The following ITSN2 variants were observed in gnomAD, a reference collection of about 807,000 sequenced individuals.
ITSN2 encodes intersectin 2.
A neutral mutation model predicts 243.7 loss-of-function variants in ITSN2; 156 were observed. That is an observed-to-expected ratio of 0.64 (90% confidence interval 0.56 to 0.73). The LOEUF is 0.73. Ranked by LOEUF, ITSN2 falls within the 30% of genes least tolerant of loss-of-function variation. ITSN2 has a pLI of 0.00. For missense variants in ITSN2, 1,801 were observed against 1,996.1 expected (o/e 0.90, Z 1.86); for synonymous variants, 703 against 699.9 (o/e 1.00, Z -0.07).
intron 20 of ITSN2, among the ~76,000 whole-genome samples, chr2:24,267,698 G>A (rs1676837848): frequency 6.6e-6 from 1 of 152,064 alleles, no homozygotes; most frequent in African/African-American, 2.4e-5. Flanking sequence ...GGGACTACAG[G>A]TGCACACCAC....
chr2:24,237,132 C>A (rs1250482664), intron 29 of ITSN2, among the ~76,000 whole-genome samples: 1 of 152,110 alleles, frequency 6.6e-6, no homozygotes, highest in Non-Finnish European at 1.5e-5. Context: ...CGCTTACTAG[C>A]AGGTTCCACT....
At chr2:24,329,562 C>G (rs564400161) in intron 1 of ITSN2, among the ~76,000 whole-genome samples, 1 of 152,108 alleles carries the variant, frequency 6.6e-6, no homozygotes, top group Admixed American at 6.5e-5. Context: ...CCACTGTGTC[C>G]TGCCCGTTCC....
rs766124538 is a variant in ITSN2 at position 24,216,219 on chromosome 2, G to A, written c.3820C>T (p.Arg1274Trp). Residue 1274 changes from arginine to tryptophan, a missense_variant, in exon 32 of 40, where the codon CGG becomes TGG. Arg to Trp is a moderately radical substitution (Grantham distance 101). Coordinates refer to ENST00000355123, the MANE Select transcript of ITSN2 (RefSeq NM_006277.3). ...NTKLLKALRV[R>W]KKTGGEKMPV... The stretch of plus-strand genomic sequence containing the variant: ...ATCTTCTCGCCCCCGGTCTTCTTCC[G>A]CACCCGCAAAGCCCTGCCAAGAACA... 1.9e-6 allele frequency: 3 copies of A among 1,600,372 alleles called. No homozygotes were observed. The highest frequency in any genetic ancestry group is 1.1e-5 in the South Asian group (1 of 88,968).
chr2:24,318,624 G>A (rs1485816776), intron 2 of ITSN2, among the ~76,000 whole-genome samples: 3 of 152,122 alleles, frequency 2.0e-5, no homozygotes, highest in Non-Finnish European at 4.4e-5. Flanking sequence ...TAATGATCAG[G>A]GCTAAAGGGT....
At chr2:24,330,285 G>A (rs922762422) in intron 1 of ITSN2, 2 of 378,776 alleles carry the variant, frequency 5.3e-6, no homozygotes, top group Admixed American at 7.3e-5. Context: ...ACAAAAGAAT[G>A]CCAAATAGAG....
chr2:24,306,226 C>T (rs950956082), intron 8 of ITSN2, among the ~76,000 whole-genome samples: 3 of 152,042 alleles, frequency 2.0e-5, no homozygotes, highest in Admixed American at 6.5e-5. Flanking sequence ...GTGATCCGCC[C>T]GCCTCAGCCT....
At chr2:24,337,334 A>ATATATATATATG (rs1197095937) in intron 1 of ITSN2, among the ~76,000 whole-genome samples, 12 of 108,450 alleles carry the variant, frequency 1.1e-4, no homozygotes, top group Admixed American at 2.0e-4. Context: ...ATATATATAT[A>ATATATATATATG]TATATATATA....
At chr2:24,262,031 G>C (rs750570571) in intron 20 of ITSN2, among the ~76,000 whole-genome samples, 1 of 152,072 alleles carries the variant, frequency 6.6e-6, no homozygotes, top group Non-Finnish European at 1.5e-5. Flanking sequence ...GGCTCCTTAT[G>C]CCCTGATTTT....
At chr2:24,359,295 T>C (rs1688731585) in intron 1 of ITSN2, among the ~76,000 whole-genome samples, 2 of 152,202 alleles carry the variant, frequency 1.3e-5, no homozygotes, top group African/African-American at 2.4e-5. Flanking sequence ...CTATGCTACC[T>C]AAACTGAGCT....
chr2:24,278,643 A>ATTTT, intron 17 of ITSN2, among the ~76,000 whole-genome samples: 1 of 147,346 alleles, frequency 6.8e-6, no homozygotes, highest in African/African-American at 2.5e-5. Flanking sequence ...GTTGTTCTCA[A>ATTTT]TCTTTTTTTT....
chr2:24,287,052 T>TA (rs1041571096), intron 15 of ITSN2, among the ~76,000 whole-genome samples: 1 of 152,146 alleles, frequency 6.6e-6, no homozygotes, highest in African/African-American at 2.4e-5. Flanking sequence ...AAATGAAACA[T>TA]ACAGAGTAAA....
At chr2:24,347,013 C>T (rs1263943408) in intron 1 of ITSN2, among the ~76,000 whole-genome samples, 1 of 151,800 alleles carries the variant, frequency 6.6e-6, no homozygotes, top group Non-Finnish European at 1.5e-5. Context: ...TACAGGCACC[C>T]GCCACCACGC....
chr2:24,258,476 G>A (rs1310213404), intron 22 of ITSN2, among the ~76,000 whole-genome samples: 2 of 152,180 alleles, frequency 1.3e-5, no homozygotes, highest in Admixed American at 6.5e-5. Context: ...ACTAGGGAAG[G>A]AAATTGGCAT....
intron 18 of ITSN2, among the ~76,000 whole-genome samples, chr2:24,275,064 C>T (rs1677846359): frequency 6.6e-6 from 1 of 152,142 alleles, no homozygotes; most frequent in Admixed American, 6.5e-5. Context: ...AAGAGAAATG[C>T]ATCAATGTGG....
chr2:24,286,063 C>T (rs1206660685), intron 16 of ITSN2, 149 bp downstream of exon 16: 2 of 568,606 alleles, frequency 3.5e-6, no homozygotes, highest in African/African-American at 1.9e-5. Flanking sequence ...ACATTAAAAA[C>T]AATCTTGAAA....
chr2:24,339,471 A>C (rs1375955382), intron 1 of ITSN2, among the ~76,000 whole-genome samples: 9 of 108,492 alleles, frequency 8.3e-5, no homozygotes, highest in African/African-American at 4.3e-4. Flanking sequence ...ACGCCGTCTC[A>C]AAAAAAAAAA....
chr2:24,258,024 T>G lies in ITSN2; in HGVS notation c.2752A>C (p.Asn918His), dbSNP rs747880311. The G allele has an allele frequency of 1.9e-6, 3 of 1,614,002 alleles. No individual in the cohort carries two copies. In the African/African-American group the frequency reaches 4.0e-5, roughly 22 times the overall value. The change falls in exon 23 of 40, where the codon AAC becomes CAC. Residue 918 changes from asparagine to histidine, a missense_variant. By Grantham distance (68) the Asn-to-His change is moderately conservative (BLOSUM62 1). Coordinates refer to ENST00000355123, the MANE Select transcript of ITSN2 (RefSeq NM_006277.3). ...SWTAKKDNHLNFSKHDIITVL... is the reference protein window; with the variant it reads ...SWTAKKDNHLHFSKHDIITVL... ...GTAATAATGTCATGTTTTGAGAAGT[T>G]CAAGTGGTTATCTTTCTTTGCAGTC...
At chr2:24,288,580 ATGT>A (rs1469520574) in intron 15 of ITSN2, among the ~76,000 whole-genome samples, 6 of 152,144 alleles carry the variant, frequency 3.9e-5, no homozygotes, top group African/African-American at 1.4e-4. Flanking sequence ...TATAGTACGC[ATGT>A]TGTTTTGAAA....
At chr2:24,209,698 G>A (rs902437347) in intron 35 of ITSN2, 120 bp downstream of exon 35, 14 of 748,324 alleles carry the variant, frequency 1.9e-5, no homozygotes, top group East Asian at 5.2e-5. Context: ...AAGCACGAGC[G>A]ATCTGGAACC....
Sources: allele counts gnomAD v4.1 joint callset (sites outside exome capture counted in the v4.1 genomes callset), GRCh38; gene constraint gnomAD v4.1.1; transcripts MANE v1.5; gene names NCBI Gene and HGNC (gene_info 2026-07-23, HGNC 2026-07-21).